The following GHRHR variants were observed in gnomAD, a reference collection of about 807,000 sequenced individuals.
GHRHR encodes growth hormone releasing hormone receptor, also known as growth hormone-releasing hormone receptor.
A neutral mutation model predicts 58.3 loss-of-function variants in GHRHR; 40 were observed. The observed-to-expected ratio is 0.69, with a 90% CI of 0.53 to 0.89. The LOEUF (loss-of-function observed/expected upper bound fraction) is 0.89. GHRHR is among the 40% of genes least tolerant of loss of function. GHRHR has a pLI of 0.00. For missense variants in GHRHR, 551 were observed against 541.3 expected (o/e 1.02, Z -0.18); for synonymous variants, 249 against 216.6 (o/e 1.15, Z -1.31).
Position 30,968,867 on chromosome 7 carries a change from A to C in GHRHR, c.91A>C (p.Ile31Leu). ...CCACATGCACCCAGAATGTGACTTC[A>C]TCACCCAGCTGAGAGAGGATGAGAG... ...LGHMHPECDFITQLREDESAC... is the reference protein window; with the variant it reads ...LGHMHPECDFLTQLREDESAC... Residue 31 changes from isoleucine (I) to leucine (L), a missense_variant, in exon 2 of 13, where the codon ATC becomes CTC. Coordinates refer to ENST00000326139, the MANE Select transcript of GHRHR (RefSeq NM_000823.4). 1 of 1,613,832 alleles carries C rather than the reference A, an allele frequency of 6.2e-7. No homozygotes were observed. Among genetic ancestry groups the C allele is most frequent in the Non-Finnish European group, 8.5e-7 (1 of 1,179,884 alleles).
chr7:30,977,430 C>A (rs1792612455), intron 12 of GHRHR, 108 bp downstream of exon 12: 1 of 908,148 alleles, frequency 1.1e-6, no homozygotes, highest in Non-Finnish European at 1.9e-6. Context: ...CAGGCCACAC[C>A]TTCACTCTTG....
chr7:30,971,357 C>G (rs1227781284), intron 5 of GHRHR, 141 bp downstream of exon 5: 1 of 698,436 alleles, frequency 1.4e-6, no homozygotes, highest in East Asian at 2.7e-5. Flanking sequence ...CTTCCCTTTT[C>G]CCCACCATGT....
Position 30,979,148 on chromosome 7 carries a change from T to C in GHRHR, c.1176T>C (p.His392=), listed in dbSNP as rs2128599194. 1.9e-6 allele frequency: 3 copies of C among 1,613,672 alleles called. No individual in the cohort carries two copies. The highest frequency in any genetic ancestry group is 2.2e-5 in the East Asian group (1 of 44,874). Residue 392 remains histidine (H), a synonymous_variant, in exon 13 of 13, where the codon CAT becomes CAC. Transcript: ENST00000326139. ...GGACTGAGATCTCACGGAAGTGGCA[T>C]GGCCATGACCCTGAGCTTCTGCCAG... ...EVRTEISRKW[H]GHDPELLPAW...
At chr7:30,972,734 T>G (rs1204987867) in intron 6 of GHRHR, among the ~76,000 whole-genome samples, 1 of 151,974 alleles carries the variant, frequency 6.6e-6, no homozygotes, top group Non-Finnish European at 1.5e-5. Context: ...GCAATTGAAA[T>G]TAAAGGGAAG....
rs1004753042 is a variant in GHRHR, at chr7:30,974,435, C to T, written c.758C>T (p.Pro253Leu). The change falls in exon 8 of 13, where the codon CCC becomes CTC. Residue 253 changes from proline (P) to leucine (L), a missense_variant. Transcript: ENST00000326139. ...WWLVLAGWGL[P>L]VLFTGTWVSC... ...CTTCCCTGTACTCCTGTAGGGCTGC[C>T]CGTGCTCTTCACTGGCACGTGGGTG... 26 of 1,610,878 alleles carry T rather than the reference C, an allele frequency of 1.6e-5. No homozygotes were observed. Among genetic ancestry groups the T allele is most frequent in the Non-Finnish European group, 2.1e-5 (25 of 1,177,158 alleles).
intron 10 of GHRHR, 26 bp from the exon 11 acceptor site, chr7:30,976,403 G>C (rs4988504): frequency 1.2e-6 from 2 of 1,607,774 alleles, no homozygotes; most frequent in Non-Finnish European, 1.7e-6. Flanking sequence ...CCAGTCTTGG[G>C]AGCCTAGGAT....
rs769411899 is a variant in GHRHR, at chr7:30,975,078, C to T, written c.882+38C>T. On this transcript the variant is annotated intron_variant, in intron 9 of 12. Coordinates refer to ENST00000326139, the MANE Select transcript of GHRHR (RefSeq NM_000823.4). ...GCCAGTGCCCTTTGCTTTATTCAGT[C>T]AACTTCCCTGGAACTACTGACGGGC... 4 of 1,382,832 alleles carry T rather than the reference C, an allele frequency of 2.9e-6. No homozygotes were observed. In the African/African-American group the frequency reaches 5.7e-5, roughly 20 times the overall value. The allele number at this position is 1,382,832 out of a possible 1,614,324, so 85.7% of individuals were successfully genotyped here. A position where few individuals can be genotyped will look rare whatever the true frequency, so the allele number is the denominator to read the frequency against.
intron 4 of GHRHR, among the ~76,000 whole-genome samples, chr7:30,970,245 G>A (rs1332487505): frequency 6.6e-6 from 1 of 152,170 alleles, no homozygotes; most frequent in Non-Finnish European, 1.5e-5. Context: ...CTCCAGGGCA[G>A]GGAGCTTAAA....
Position 30,972,036 on chromosome 7 carries a change from T to C in GHRHR, c.538T>C (p.Phe180Leu), listed in dbSNP as rs146301048. The change falls in exon 6 of 13, where the codon TTC (phenylalanine) becomes CTC (leucine). Residue 180 changes from phenylalanine to leucine, a missense_variant. Transcript: ENST00000326139. ...TTFILKAGAV[F>L]LKDAALFHSD... ...TTTTATCCTCAAGGCGGGAGCTGTG[T>C]TCCTGAAGGATGCTGCCCTTTTCCA... 1 of 1,613,976 alleles carries C rather than the reference T, an allele frequency of 6.2e-7. No homozygotes were observed. Among genetic ancestry groups the C allele is most frequent in the Non-Finnish European group, 8.5e-7 (1 of 1,180,006 alleles).
At chr7:30,974,211 G>T (rs35937672) in intron 7 of GHRHR, 73 bp downstream of exon 7, 4 of 1,467,244 alleles carry the variant, frequency 2.7e-6, no homozygotes, top group Non-Finnish European at 3.8e-6. Flanking sequence ...TTACATAAAG[G>T]CCCCTCCACC....
chr7:30,971,054 G>A, intron 4 of GHRHR, 65 bp from the exon 5 acceptor site: 2 of 765,090 alleles, frequency 2.6e-6, no homozygotes, highest in Non-Finnish European at 4.7e-6. Flanking sequence ...CTGCTTGATT[G>A]TCAAGCCTCT....
intron 4 of GHRHR, among the ~76,000 whole-genome samples, chr7:30,970,345 C>T (rs10278927): frequency 0.072 from 11,026 of 152,150 alleles, 553 homozygotes; most frequent in African/African-American, 0.13. Context: ...TGCATGGTTG[C>T]GATGTGGGCA....
chr7:30,968,710 T>A, intron 1 of GHRHR, 124 bp from the exon 2 acceptor site: 1 of 555,036 alleles, frequency 1.8e-6, no homozygotes, highest in Admixed American at 2.2e-5. Flanking sequence ...TGTGAGCAGG[T>A]CTTTGCCTAG....
chr7:30,964,804 C>A (rs1233332284), intron 1 of GHRHR, among the ~76,000 whole-genome samples: 2 of 152,164 alleles, frequency 1.3e-5, no homozygotes, highest in African/African-American at 4.8e-5. Context: ...GAGAGAGGGC[C>A]CTTCCTGAAT....
intron 10 of GHRHR, 97 bp from the exon 11 acceptor site, chr7:30,976,332 G>C: frequency 8.9e-7 from 1 of 1,129,498 alleles, no homozygotes; most frequent in Non-Finnish European, 1.3e-6. Context: ...GTTCCACAGA[G>C]TGGATATAGG....
Position 30,974,448 on chromosome 7 carries a change from T to G in GHRHR, c.771T>G (p.Thr257=). The G allele has an allele frequency of 6.2e-7, 1 of 1,612,576 alleles. No individual in the cohort carries two copies. The highest frequency in any genetic ancestry group is 8.5e-7 in the Non-Finnish European group (1 of 1,178,576). ...CTGTAGGGCTGCCCGTGCTCTTCAC[T>G]GGCACGTGGGTGAGCTGCAAACTGG... The part of the protein sequence containing the change: ...LAGWGLPVLF[T]GTWVSCKLAF... Residue 257 remains threonine (T), a synonymous_variant, in exon 8 of 13, where the codon ACT becomes ACG. Transcript: ENST00000326139.
rs1792649882 is a variant in GHRHR, at chr7:30,979,369, A to G, written c.*125A>G. On this transcript the variant is annotated 3_prime_UTR_variant, in exon 13 of 13. Coordinates refer to ENST00000326139, the MANE Select transcript of GHRHR (RefSeq NM_000823.4). ...CTGTTACCCAGCCCGGGGCAGGTGC[A>G]GCCCTTCCTCCCTGTCTCTGCATCT... 1.1e-6 allele frequency: 1 copy of G among 896,364 alleles called. No homozygotes were observed. Among genetic ancestry groups the G allele is most frequent in the African/African-American group, 1.6e-5 (1 of 60,926 alleles). The allele number at this position is 896,364 out of a possible 1,614,324, so 55.5% of individuals were successfully genotyped here. A position where few individuals can be genotyped will look rare whatever the true frequency, so the allele number is the denominator to read the frequency against.
chr7:30,970,858 C>G (rs1468247398), intron 4 of GHRHR: 2 of 540,072 alleles, frequency 3.7e-6, no homozygotes, highest in Admixed American at 6.1e-5. Context: ...TGCCTCTCCT[C>G]ACCCTCAGAG....
Position 30,971,960 on chromosome 7 carries a change from C to T in GHRHR, c.465-3C>T. The T allele has an allele frequency of 1.2e-6, 2 of 1,613,858 alleles. No homozygotes were observed. Among genetic ancestry groups the T allele is most frequent in the Non-Finnish European group, 1.7e-6 (2 of 1,179,846 alleles). ...TGTTCCTCATTTCTCCCATTACCCC[C>T]AGGAGGCTCCACTGCCCCCGGAACT... On this transcript the variant is annotated splice_polypyrimidine_tract_variant and splice_region_variant and intron_variant, in intron 5 of 12. Transcript: ENST00000326139.
Sources: gnomAD v4.1 joint callset for allele counts (sites outside exome capture counted in the v4.1 genomes callset) on GRCh38, gnomAD v4.1.1 for gene constraint, MANE v1.5 for transcripts, NCBI Gene and HGNC (gene_info 2026-07-23, HGNC 2026-07-21) for gene names.